The following AXDND1 variants were observed in gnomAD, a reference collection of about 807,000 sequenced individuals.
AXDND1 encodes the protein axonemal dynein light chain domain-containing protein 1.
Under a neutral mutation model 137.5 loss-of-function variants are expected in AXDND1, and 110 were observed. The ratio of observed to expected loss-of-function variants is 0.80; its 90% CI spans 0.69 to 0.94. The LOEUF is 0.94. Among genes scored for constraint, AXDND1 ranks in the 40% least tolerant of loss-of-function variants. The probability of loss-of-function intolerance (pLI) is 0.00; values close to 1 mark genes in which losing one functional copy is unlikely to be tolerated. For synonymous variants in AXDND1, 414 were observed against 399.7 expected (o/e 1.04, Z -0.43); for missense variants, 1,191 against 1,169.8 (o/e 1.02, Z -0.26).
chr1:179,433,094 G>T (rs376274389), intron 15 of AXDND1, among the ~76,000 whole-genome samples: 1 of 152,046 alleles, frequency 6.6e-6, no homozygotes, highest in Admixed American at 6.5e-5. Context: ...TACTGGTTTC[G>T]TCTTGGGAGG....
chr1:179,376,350 A>G (rs1464186725), intron 4 of AXDND1, among the ~76,000 whole-genome samples: 2 of 152,174 alleles, frequency 1.3e-5, no homozygotes, highest in African/African-American at 2.4e-5. Flanking sequence ...ATGTATATAT[A>G]TGGAAAGTTG....
chr1:179,497,590 G>T (rs1667572356), intron 20 of AXDND1, among the ~76,000 whole-genome samples: 1 of 152,056 alleles, frequency 6.6e-6, no homozygotes, highest in Non-Finnish European at 1.5e-5. Context: ...TTCCCCTTGA[G>T]AACTGGAACA....
At chr1:179,480,428 C>T (rs1665226507) in intron 17 of AXDND1, among the ~76,000 whole-genome samples, 1 of 152,132 alleles carries the variant, frequency 6.6e-6, no homozygotes, top group Non-Finnish European at 1.5e-5. Flanking sequence ...GGGAGACCGC[C>T]CCCATGATTC....
At chr1:179,395,975 C>G (rs1256767348) in intron 11 of AXDND1, among the ~76,000 whole-genome samples, 1 of 151,672 alleles carries the variant, frequency 6.6e-6, no homozygotes, top group East Asian at 2.0e-4. Flanking sequence ...TTGAGACTAG[C>G]CTGGCCAACA....
intron 18 of AXDND1, among the ~76,000 whole-genome samples, chr1:179,485,092 G>A (rs36070349): frequency 0.46 from 69,375 of 152,020 alleles, 16,710 homozygotes; most frequent in East Asian, 0.76. Context: ...ACATGCACAG[G>A]GACATTGGTG....
At chr1:179,388,976 C>CTT (rs11373996) in intron 9 of AXDND1, among the ~76,000 whole-genome samples, 30,278 of 112,242 alleles carry the variant, frequency 0.27, 5,326 homozygotes, top group Non-Finnish European at 0.3. Flanking sequence ...TTTTTAGATT[C>CTT]TTTTTTTTTT....
chr1:179,414,402 C>T (rs1000889572), intron 12 of AXDND1, among the ~76,000 whole-genome samples: 5 of 122,696 alleles, frequency 4.1e-5, no homozygotes, highest in African/African-American at 1.5e-4. Flanking sequence ...CAGTTCTCTC[C>T]AAATTAATCT....
intron 9 of AXDND1, among the ~76,000 whole-genome samples, chr1:179,391,086 G>A (rs1030529064): frequency 8.9e-4 from 133 of 149,014 alleles, no homozygotes; most frequent in African/African-American, 3.0e-3. Context: ...GATTACAGGC[G>A]TGAGCCACTG....
chr1:179,457,692 T>C (rs1661616949), intron 16 of AXDND1, among the ~76,000 whole-genome samples: 1 of 152,206 alleles, frequency 6.6e-6, no homozygotes, highest in African/African-American at 2.4e-5. Context: ...AAGCTGAATT[T>C]TTGCTTGTTA....
chr1:179,448,166 G>T, intron 16 of AXDND1: 1 of 928,294 alleles, frequency 1.1e-6, no homozygotes, highest in Non-Finnish European at 1.8e-6. Context: ...CTGAGCTGTC[G>T]CACCCTCTGT....
At chr1:179,506,988 A>G (rs769535351) in intron 20 of AXDND1, 132 of 794,252 alleles carry the variant, frequency 1.7e-4, no homozygotes, top group Non-Finnish European at 2.0e-4. Flanking sequence ...GATTCTTAAT[A>G]GCTCCATTTA....
At position 179,382,713 on chromosome 1, in the gene AXDND1, C is replaced by G. The variant is rs976163502; in HGVS notation, c.595C>G (p.Leu199Val). Residue 199 changes from leucine (L) to valine (V), a missense_variant, in exon 7 of 26, where the codon CTC (leucine) becomes GTC (valine). Coordinates refer to ENST00000367618, the MANE Select transcript of AXDND1 (RefSeq NM_144696.6). ...LECYDDKYTTLLTDSENRLLL... is the reference protein window; with the variant it reads ...LECYDDKYTTVLTDSENRLLL... ...TATTTATTGTAGCAAATACACTACT[C>G]TCCTCACAGATAGTGAAAACAGGCT... 3.7e-6 allele frequency: 6 copies of G among 1,603,118 alleles called. No homozygotes were observed. The highest frequency in any genetic ancestry group is 5.1e-6 in the Non-Finnish European group (6 of 1,170,592).
intron 11 of AXDND1, 110 bp downstream of exon 11, chr1:179,395,312 A>G (rs575552414): frequency 1.3e-5 from 10 of 783,236 alleles, no homozygotes; most frequent in Non-Finnish European, 2.0e-5. Context: ...AAAATCACAT[A>G]TAGATAGCTT....
intron 2 of AXDND1, among the ~76,000 whole-genome samples, chr1:179,368,346 A>G (rs1197329333): frequency 6.6e-6 from 1 of 152,192 alleles, no homozygotes; most frequent in Non-Finnish European, 1.5e-5. Flanking sequence ...CCACTCTATA[A>G]ATGCCTCGAT....
chr1:179,489,079 T>C (rs766061033), intron 18 of AXDND1, among the ~76,000 whole-genome samples: 1 of 127,186 alleles, frequency 7.9e-6, no homozygotes, highest in Non-Finnish European at 1.7e-5. Context: ...TACTCACTTG[T>C]TATCCCTGAA....
At chr1:179,419,397 C>T (rs1490364957) in intron 12 of AXDND1, among the ~76,000 whole-genome samples, 5 of 150,278 alleles carry the variant, frequency 3.3e-5, no homozygotes, top group South Asian at 4.3e-4. Flanking sequence ...GGATCACTCG[C>T]GGTTAGGAGC....
chr1:179,444,905 TG>T, intron 15 of AXDND1, 64 bp from the exon 16 acceptor site: 1 of 1,137,524 alleles, frequency 8.8e-7, no homozygotes, highest in Non-Finnish European at 1.3e-6. Flanking sequence ...AATAAGCATC[TG>T]GTAGACTTTG....
At position 179,552,344 on chromosome 1, in the gene AXDND1, G is replaced by T. The variant is rs79569192; in HGVS notation, c.3032-2168G>T. 9.0e-3 allele frequency: 4,915 copies of T among 544,906 alleles called. 147 individuals carry two copies. The highest frequency in any genetic ancestry group is 0.063 in the Admixed American group (2,094 of 33,144). The allele number at this position is 544,906 out of a possible 1,614,324, so 33.8% of individuals were successfully genotyped here. On this transcript the variant is annotated intron_variant, in intron 25 of 25. Coordinates refer to ENST00000367618, the MANE Select transcript of AXDND1 (RefSeq NM_144696.6). ...AGGGATTGATGTGTGTGGAGGAGAT[G>T]CCTTTAAGGAGAGAGAGGGAAGGTG...
At chr1:179,408,399 A>G (rs1359254614) in intron 11 of AXDND1, among the ~76,000 whole-genome samples, 2 of 147,612 alleles carry the variant, frequency 1.4e-5, no homozygotes, top group African/African-American at 5.1e-5. Context: ...TTTTTTTGAG[A>G]CAAAATCTCA....
Sources: gnomAD v4.1 joint callset for allele counts (sites outside exome capture counted in the v4.1 genomes callset) on GRCh38, gnomAD v4.1.1 for gene constraint, MANE v1.5 for transcripts, NCBI Gene and HGNC (gene_info 2026-07-23, HGNC 2026-07-21) for gene names.